C3: variants seen among roughly 807,000 people sequenced by gnomAD.
The protein encoded by C3 is C3 and PZP-like alpha-2-macroglobulin domain-containing protein 1.
Under a neutral mutation model 207.9 loss-of-function variants are expected in C3, and 97 were observed. That is an observed-to-expected ratio of 0.47 (90% CI 0.40 to 0.55). The LOEUF (loss-of-function observed/expected upper bound fraction) is 0.55. Among genes scored for constraint, C3 ranks in the 20% least tolerant of loss-of-function variants. The pLI is 0.00. For missense variants in C3, 1,684 were observed against 2,171.7 expected, an observed-to-expected ratio of 0.78 and a Z score of 4.46; for synonymous variants, 848 against 857.6, an observed-to-expected ratio of 0.99 and a Z score of 0.20.
chr19:6,712,160 A>G, intron 11 of C3, 97 bp downstream of exon 11: 1 of 1,469,416 alleles, frequency 6.8e-7, no homozygotes, highest in Non-Finnish European at 9.5e-7. Context: ...GCAGATGAGA[A>G]TATCTGTATG....
chr19:6,699,278 T>C (rs1967600024), intron 19 of C3, among the ~76,000 whole-genome samples: 1 of 149,206 alleles, frequency 6.7e-6, no homozygotes, highest in Non-Finnish European at 1.5e-5. Context: ...CTTTGCCATG[T>C]TGCCCAGGCT....
chr19:6,697,046 A>AAAAAAAT (rs1479382327), intron 21 of C3, among the ~76,000 whole-genome samples: 1,399 of 64,116 alleles, frequency 0.022, 70 homozygotes, highest in African/African-American at 0.096. Context: ...TGTCTCAAAA[A>AAAAAAAT]AATAAACAAA....
At position 6,719,975 on chromosome 19, in the gene C3, A is replaced by G. The variant is rs1321123016; in HGVS notation, c.74+541T>C. Among the ~76,000 whole-genome samples, 3 of 152,270 alleles carry G rather than the reference A, an allele frequency of 2.0e-5. No homozygotes were observed. The South Asian group carries it at 6.2e-4, about 32-fold the overall frequency. On this transcript the variant is annotated intron_variant, in intron 1 of 40. Coordinates refer to ENST00000245907, the MANE Select transcript of C3 (RefSeq NM_000064.4). This position sits in a 1 kb window ranked among gnomAD's most constrained non-coding sequence, Gnocchi z 5.4. The stretch of plus-strand genomic sequence containing the variant: ...CCCCAACTATACATGAACCCGAAGT[A>G]GCCAATCTTTAAACCCACACTGAAA...
intron 26 of C3, among the ~76,000 whole-genome samples, chr19:6,691,369 T>A (rs1918164469): frequency 6.6e-6 from 1 of 152,056 alleles, no homozygotes. Flanking sequence ...TATATACTTA[T>A]AAGTGGATGA....
intron 24 of C3, among the ~76,000 whole-genome samples, chr19:6,693,742 G>A (rs1918228271): frequency 6.6e-6 from 1 of 151,630 alleles, no homozygotes; most frequent in African/African-American, 2.4e-5. Context: ...AGGGAGGGGA[G>A]GGCTCTCAGA....
At chr19:6,710,574 G>T in intron 13 of C3, 65 bp downstream of exon 13, 1 of 154,590 alleles carries the variant, frequency 6.5e-6, no homozygotes, top group Non-Finnish European at 8.1e-6. Context: ...AGGAGACAGG[G>T]AGAGAGAGAG....
At chr19:6,696,005 C>T (rs1263188265) in intron 23 of C3, among the ~76,000 whole-genome samples, 1 of 151,350 alleles carries the variant, frequency 6.6e-6, no homozygotes, top group African/African-American at 2.4e-5. Context: ...GTCAGGAGAT[C>T]GAGACCATCC....
At position 6,678,256 on chromosome 19, in the gene C3, G is replaced by T; in HGVS notation, c.4746C>A (p.Arg1582=). 1.2e-6 allele frequency: 2 copies of T among 1,614,214 alleles called. No homozygotes were observed. The highest frequency in any genetic ancestry group is 1.1e-5 in the South Asian group (1 of 91,086). The part of the protein sequence containing the change: ...GSDEVQVGQQ[R]TFISPIKCRE... Reference sequence around the variant, plus strand: ...TGCACTTGATGGGGCTGATGAACGTGCGCTGCTGTCCAACCTGCACCTCAT... The same window carrying T: ...TGCACTTGATGGGGCTGATGAACGTTCGCTGCTGTCCAACCTGCACCTCAT... The change falls in exon 40 of 41, where the codon CGC becomes CGA. Residue 1582 remains arginine (R), a synonymous_variant. Transcript: ENST00000245907.
Position 6,705,942 on chromosome 19 carries a change from G to A in C3, c.2245+1134C>T, listed in dbSNP as rs190832806. 2.1e-3 allele frequency among the ~76,000 whole-genome samples: 323 copies of A among 152,084 alleles called. 2 individuals carry two copies. Among genetic ancestry groups the A allele is most frequent in the African/African-American group, 7.6e-3 (317 of 41,472 alleles). ...ATCCACCTCGGCCTCCCAAAGTGCTGCGATTGCCGGTGTGAGCCACCATGC... is the reference window on the plus strand; with the variant it reads ...ATCCACCTCGGCCTCCCAAAGTGCTACGATTGCCGGTGTGAGCCACCATGC... On this transcript the variant is annotated intron_variant, in intron 17 of 40. Transcript: ENST00000245907.
intron 4 of C3, chr19:6,717,626 G>A: frequency 7.1e-6 from 2 of 280,026 alleles, no homozygotes; most frequent in East Asian, 8.5e-5. Context: ...TTGTGTGATA[G>A]TGTTGTGTGG....
Position 6,689,497 on chromosome 19 carries a change from G to C in C3, c.3489+1132C>G, listed in dbSNP as rs12609787. On this transcript the variant is annotated intron_variant, in intron 27 of 40. Transcript: ENST00000245907. ...TAAGGGGGGAGAAGCCACTAGCTGA[G>C]GGTGGAATCCTGGGCTTCCCACTTG... 3.1e-3 allele frequency among the ~76,000 whole-genome samples: 464 copies of C among 152,050 alleles called. 8 individuals are homozygous for C. The East Asian group carries it at 0.039, about 13-fold the overall frequency.
At position 6,702,286 on chromosome 19, in the gene C3, G is replaced by C. The variant is rs1455369850; in HGVS notation, c.2355-74C>G. The C allele has an allele frequency of 3.9e-6, 4 of 1,031,652 alleles. No individual in the cohort carries two copies. The African/African-American group carries it at 6.3e-5, about 16-fold the overall frequency. 63.9% of individuals were successfully genotyped at this position (1,031,652 alleles called of 1,614,324 possible). A position where few individuals can be genotyped will look rare whatever the true frequency, so the allele number is the denominator to read the frequency against. ...GGTAGAGGGGAAGAACTGGTGCAGA[G>C]GGACCCCAAGGGACAGGCTGGAAGG... is the stretch of plus-strand genomic sequence containing the variant. On this transcript the variant is annotated intron_variant, in intron 18 of 40. Transcript: ENST00000245907.
chr19:6,681,082 A>G (rs2145392238), intron 35 of C3, among the ~76,000 whole-genome samples: 1 of 152,190 alleles, frequency 6.6e-6, no homozygotes, highest in East Asian at 1.9e-4. Context: ...ATATTTATGA[A>G]GAAACAAGAA....
At chr19:6,699,776 A>G (rs1014366024) in intron 19 of C3, among the ~76,000 whole-genome samples, 1 of 152,144 alleles carries the variant, frequency 6.6e-6, no homozygotes, top group African/African-American at 2.4e-5. Flanking sequence ...ATATACTAGT[A>G]GATTATTATC....
At chr19:6,714,565 T>A in intron 4 of C3, 119 bp from the exon 5 acceptor site, 1 of 775,422 alleles carries the variant, frequency 1.3e-6, no homozygotes, top group Non-Finnish European at 2.3e-6. Context: ...CTACTGTGGT[T>A]AAGAACAGGG....
intron 27 of C3, 68 bp downstream of exon 27, chr19:6,690,557 TCTCA>T: frequency 8.2e-7 from 1 of 1,215,600 alleles, no homozygotes. Flanking sequence ...GAAGGCAACC[TCTCA>T]CTCTCCAAGG....
At chr19:6,693,737 G>A (rs1918227958) in intron 24 of C3, among the ~76,000 whole-genome samples, 2 of 151,758 alleles carry the variant, frequency 1.3e-5, no homozygotes, top group Non-Finnish European at 2.9e-5. Flanking sequence ...CTTTCAGGGA[G>A]GGGAGGGCTC....
At chr19:6,709,215 G>A (rs957469149) in intron 14 of C3, among the ~76,000 whole-genome samples, 20 of 152,126 alleles carry the variant, frequency 1.3e-4, no homozygotes, top group Non-Finnish European at 2.8e-4. Context: ...TTGGGAGGTC[G>A]AGGCGGGTGG....
chr19:6,686,468 C>T, intron 28 of C3, 181 bp from the exon 29 acceptor site: 2 of 731,582 alleles, frequency 2.7e-6, no homozygotes, highest in Non-Finnish European at 2.4e-6. Flanking sequence ...ACTCTCACTT[C>T]TCCCTTTGAA....
Sources: gnomAD v4.1 joint callset for allele counts (sites outside exome capture counted in the v4.1 genomes callset) on GRCh38, gnomAD v4.1.1 for gene constraint, Gnocchi (gnomAD v3.1) non-coding constraint, MANE v1.5 for transcripts, NCBI Gene and HGNC (gene_info 2026-07-23, HGNC 2026-07-21) for gene names.